Variants in CDH12 observed in about 807,000 individuals in gnomAD.
CDH12 encodes the protein cadherin 12, also known as cadherin-12.
Under a neutral mutation model 74.1 loss-of-function variants are expected in CDH12, and 41 were observed. The observed-to-expected ratio is 0.55, with a 90% CI of 0.43 to 0.72. CDH12 has a LOEUF of 0.72. Among genes scored for constraint, CDH12 ranks in the 30% least tolerant of loss-of-function variants. The probability of loss-of-function intolerance (pLI) is 0.00; values close to 1 mark genes in which losing one functional copy is unlikely to be tolerated. For missense variants in CDH12, 945 were observed against 977.2 expected (o/e 0.97, Z 0.44); for synonymous variants, 399 against 355.0 (o/e 1.12, Z -1.39).
intron 5 of CDH12, among the ~76,000 whole-genome samples, chr5:21,982,590 ATCTC>A (rs1561346673): frequency 6.6e-6 from 1 of 151,258 alleles, no homozygotes. Flanking sequence ...ATATAGAGAG[ATCTC>A]TCTAAATATC....
At position 21,994,530 on chromosome 5, in the gene CDH12, T is replaced by C. The variant is rs555872923; in HGVS notation, c.232-19145A>G. Among the ~76,000 whole-genome samples, 5 of 152,322 alleles carry C rather than the reference T, an allele frequency of 3.3e-5. No homozygotes were observed. In the South Asian group the frequency reaches 1.0e-3, roughly 32 times the overall value. On this transcript the variant is annotated intron_variant, in intron 5 of 14. Coordinates refer to ENST00000382254, the MANE Select transcript of CDH12 (RefSeq NM_004061.5). ...ACTGGCATTTATTGAATACTCATTGTATTCAAGTTTCACAGATTTGGAACA... is the reference window on the plus strand; with the variant it reads ...ACTGGCATTTATTGAATACTCATTGCATTCAAGTTTCACAGATTTGGAACA...
rs184724230 is a variant in CDH12, at chr5:22,764,910, G to A, written c.-523+88148C>T. Reference sequence around the variant, plus strand: ...TTAAGATACATTAAAGAGATAAGACGACGGAATGCATTGAGTCCCAGAAGG... The same window carrying A: ...TTAAGATACATTAAAGAGATAAGACAACGGAATGCATTGAGTCCCAGAAGG... On this transcript the variant is annotated intron_variant, in intron 1 of 14. Coordinates refer to ENST00000382254, the MANE Select transcript of CDH12 (RefSeq NM_004061.5). Among the ~76,000 whole-genome samples the A allele has an allele frequency of 5.9e-5, 9 of 152,012 alleles. 1 individual carries two copies. Among genetic ancestry groups the A allele is most frequent in the East Asian group, 5.8e-4 (3 of 5,178 alleles).
intron 2 of CDH12, among the ~76,000 whole-genome samples, chr5:22,442,084 T>C (rs1744650008): frequency 6.6e-6 from 1 of 152,176 alleles, no homozygotes. Flanking sequence ...ATCCTATATT[T>C]CACAGATAAT....
chr5:22,667,415 C>A (rs1740681647), intron 1 of CDH12, among the ~76,000 whole-genome samples: 1 of 152,114 alleles, frequency 6.6e-6, no homozygotes, highest in South Asian at 2.1e-4. Flanking sequence ...TATTCTAAGT[C>A]AAATCAGTGA....
At chr5:22,136,320 A>C (rs1746457955) in intron 4 of CDH12, among the ~76,000 whole-genome samples, 1 of 151,918 alleles carries the variant, frequency 6.6e-6, no homozygotes, top group Admixed American at 6.6e-5. Flanking sequence ...AGGTTACCCT[A>C]AATAATTGAA....
chr5:22,793,381 T>A (rs534077638), intron 1 of CDH12, among the ~76,000 whole-genome samples: 1 of 152,358 alleles, frequency 6.6e-6, no homozygotes, highest in Admixed American at 6.5e-5. Flanking sequence ...TACACATATG[T>A]GGTGATTATA....
Position 22,746,423 on chromosome 5 carries a change from T to C in CDH12, c.-523+106635A>G, listed in dbSNP as rs148607882. Among the ~76,000 whole-genome samples the C allele has an allele frequency of 1.3e-4, 20 of 152,356 alleles. 1 individual carries two copies. The East Asian group carries it at 3.7e-3, about 28-fold the overall frequency. On this transcript the variant is annotated intron_variant, in intron 1 of 14. Coordinates refer to ENST00000382254, the MANE Select transcript of CDH12 (RefSeq NM_004061.5). The stretch of plus-strand genomic sequence containing the variant: ...AAATATCACTGTTTTATTATGTTTC[T>C]ATCTGGTTTATCAGAGATCTGTTTA...
intron 1 of CDH12, among the ~76,000 whole-genome samples, chr5:22,833,889 G>C (rs767399260): frequency 2.0e-4 from 31 of 152,042 alleles, no homozygotes; most frequent in Non-Finnish European, 4.3e-4. Context: ...AAGCCACCGG[G>C]AGGAAATAAA....
chr5:22,724,971 T>A (rs1453886982), intron 1 of CDH12, among the ~76,000 whole-genome samples: 6 of 151,876 alleles, frequency 4.0e-5, no homozygotes, highest in African/African-American at 1.4e-4. Context: ...GAACACCACG[T>A]TTCCAGTAAT....
intron 1 of CDH12, among the ~76,000 whole-genome samples, chr5:22,654,119 C>T (rs147495015): frequency 0.05 from 7,447 of 147,966 alleles, 243 homozygotes; most frequent in Admixed American, 0.064. Flanking sequence ...CTGTCCTTCC[C>T]GTTCCTTCTC....
At chr5:22,050,132 T>C (rs1028078900) in intron 5 of CDH12, among the ~76,000 whole-genome samples, 2 of 152,110 alleles carry the variant, frequency 1.3e-5, no homozygotes, top group African/African-American at 4.8e-5. Context: ...CCATATTGAT[T>C]TGTGCAGCCA....
At chr5:22,690,072 A>C (rs572882760) in intron 1 of CDH12, among the ~76,000 whole-genome samples, 1 of 152,204 alleles carries the variant, frequency 6.6e-6, no homozygotes, top group South Asian at 2.1e-4. Flanking sequence ...GAAAGAAATA[A>C]AAATTGCATG....
At chr5:22,169,604 A>G (rs946938164) in intron 4 of CDH12, among the ~76,000 whole-genome samples, 7 of 152,110 alleles carry the variant, frequency 4.6e-5, no homozygotes, top group African/African-American at 1.4e-4. Flanking sequence ...GAGTATAATT[A>G]CACCCATGAT....
At chr5:22,430,048 A>G (rs1253800820) in intron 2 of CDH12, among the ~76,000 whole-genome samples, 2 of 152,182 alleles carry the variant, frequency 1.3e-5, no homozygotes, top group Admixed American at 1.3e-4. Context: ...CATGATCAAG[A>G]CTATTTTTCC....
intron 6 of CDH12, among the ~76,000 whole-genome samples, chr5:21,889,228 A>G (rs1752784597): frequency 6.6e-6 from 1 of 152,174 alleles, no homozygotes; most frequent in South Asian, 2.1e-4. Flanking sequence ...TTTGAACATT[A>G]AAAATGTTTA....
intron 3 of CDH12, among the ~76,000 whole-genome samples, chr5:22,362,847 C>T (rs553760466): frequency 2.8e-4 from 42 of 148,614 alleles, no homozygotes; most frequent in East Asian, 1.0e-3. Flanking sequence ...ACCCAAACAC[C>T]GCATGTTCTC....
chr5:21,844,538 G>A (rs535048863), intron 7 of CDH12, among the ~76,000 whole-genome samples: 1 of 152,226 alleles, frequency 6.6e-6, no homozygotes, highest in South Asian at 2.1e-4. Context: ...ACTAACAGCA[G>A]GGCTAGAAGC....
chr5:22,058,039 A>ATCTG (rs1554005027), intron 5 of CDH12, among the ~76,000 whole-genome samples: 261 of 146,076 alleles, frequency 1.8e-3, no homozygotes, highest in African/African-American at 6.7e-3. Context: ...CTATCTATCT[A>ATCTG]TCTATCATCT....
chr5:22,552,130 A>G (rs1021962791), intron 1 of CDH12, among the ~76,000 whole-genome samples: 3 of 152,152 alleles, frequency 2.0e-5, no homozygotes, highest in African/African-American at 7.2e-5. Flanking sequence ...CTTTAAGAAA[A>G]TAAATAAATA....
Sources: allele counts gnomAD v4.1 joint callset (sites outside exome capture counted in the v4.1 genomes callset), GRCh38; gene constraint gnomAD v4.1.1; transcripts MANE v1.5; gene names NCBI Gene and HGNC (gene_info 2026-07-23, HGNC 2026-07-21).